SH3GL3: variants seen among roughly 807,000 people sequenced by gnomAD.
SH3GL3 encodes SH3 domain containing GRB2 like 3, endophilin A3.
SH3GL3 carries 33 observed loss-of-function variants against 47.7 expected under a neutral mutation model. The ratio of observed to expected loss-of-function variants is 0.69; its 90% CI spans 0.52 to 0.92. The LOEUF is 0.92. Among genes scored for constraint, SH3GL3 ranks in the 40% least tolerant of loss-of-function variants. The pLI is 0.00. For missense variants in SH3GL3, 363 were observed against 417.8 expected, an observed-to-expected ratio of 0.87 and a Z score of 1.14; for synonymous variants, 155 against 148.8, an observed-to-expected ratio of 1.04 and a Z score of -0.30.
At position 83,618,062 on chromosome 15, in the gene SH3GL3, TC is replaced by T. The variant is rs778805495; in HGVS notation, c.839-19del. 1 of 1,521,256 alleles carries T rather than the reference TC, an allele frequency of 6.6e-7. No individual in the cohort carries two copies. The highest frequency in any genetic ancestry group is 9.1e-7 in the Non-Finnish European group (1 of 1,095,330). The allele number at this position is 1,521,256 out of a possible 1,614,324, so 94.2% of individuals were successfully genotyped here. A position where few individuals can be genotyped will look rare whatever the true frequency, so the allele number is the denominator to read the frequency against. On this transcript the variant is annotated intron_variant, in intron 8 of 8. Coordinates refer to ENST00000427482, the MANE Select transcript of SH3GL3 (RefSeq NM_003027.5). The stretch of plus-strand genomic sequence containing the variant: ...CCATCATGTTCATCTGTACTTTTTG[TC>T]TCCATATCATGTGGACAGGTTCTAA...
intron 2 of SH3GL3, among the ~76,000 whole-genome samples, chr15:83,562,594 T>G (rs967021176): frequency 6.6e-6 from 1 of 152,230 alleles, no homozygotes; most frequent in Non-Finnish European, 1.5e-5. Flanking sequence ...TGCTATATGA[T>G]GAAAATCATT....
intron 1 of SH3GL3, among the ~76,000 whole-genome samples, chr15:83,551,363 A>G (rs1296461057): frequency 1.3e-5 from 2 of 152,130 alleles, no homozygotes; most frequent in Non-Finnish European, 2.9e-5. Flanking sequence ...TTGATTTGCA[A>G]CTTCTGTCTA....
chr15:83,566,346 C>CAG (rs147698292), intron 3 of SH3GL3, among the ~76,000 whole-genome samples: 5,458 of 134,060 alleles, frequency 0.041, 129 homozygotes, highest in African/African-American at 0.052. Flanking sequence ...GAAAGATGGG[C>CAG]AGAGAGAGAG....
chr15:83,518,669 T>C (rs1471457020), intron 1 of SH3GL3, among the ~76,000 whole-genome samples: 3 of 152,236 alleles, frequency 2.0e-5, no homozygotes, highest in Non-Finnish European at 2.9e-5. Context: ...TTTGCAAATA[T>C]TTTCTCCCAT....
intron 1 of SH3GL3, among the ~76,000 whole-genome samples, chr15:83,553,427 T>C (rs1596244678): frequency 2.0e-5 from 3 of 152,316 alleles, no homozygotes; most frequent in East Asian, 1.9e-4. Context: ...ATATAGATGA[T>C]CATTACTGAT....
chr15:83,525,346 T>TTGTG (rs776105824), intron 1 of SH3GL3, among the ~76,000 whole-genome samples: 5 of 74,018 alleles, frequency 6.8e-5, no homozygotes, highest in South Asian at 1.3e-3. Context: ...ATGAGATTCT[T>TTGTG]TGTGCGTGTG....
chr15:83,499,067 C>T (rs550409168), intron 1 of SH3GL3, among the ~76,000 whole-genome samples: 2 of 151,898 alleles, frequency 1.3e-5, no homozygotes, highest in African/African-American at 2.4e-5. Context: ...AATTTTTACC[C>T]GTTTCCTTCC....
Position 83,568,515 on chromosome 15 carries a change from A to G in SH3GL3, c.188-14A>G, listed in dbSNP as rs375925527. On this transcript the variant is annotated splice_polypyrimidine_tract_variant and intron_variant, in intron 3 of 8. Coordinates refer to ENST00000427482, the MANE Select transcript of SH3GL3 (RefSeq NM_003027.5). ...TTGTAACTTTAAAGAATTACAAATG[A>G]CAATGTTTTTAAGCATACAGAGCTA... The G allele has an allele frequency of 1.2e-6, 2 of 1,608,304 alleles. No individual in the cohort carries two copies. The highest frequency in any genetic ancestry group is 1.3e-5 in the African/African-American group (1 of 74,932).
Position 83,541,992 on chromosome 15 carries a change from T to C in SH3GL3, c.46-17261T>C, listed in dbSNP as rs558349664. ...ACTTGATATGATCCCATCTGTCCAT[T>C]TTTGCTTTGGTTGCCTGTGCTTTTA... On this transcript the variant is annotated intron_variant, in intron 1 of 8. Coordinates refer to ENST00000427482, the MANE Select transcript of SH3GL3 (RefSeq NM_003027.5). Among the ~76,000 whole-genome samples, 4 of 152,328 alleles carry C rather than the reference T, an allele frequency of 2.6e-5. No individual in the cohort carries two copies. The South Asian group carries it at 8.3e-4, about 32-fold the overall frequency.
chr15:83,492,624 C>T (rs933113913), intron 1 of SH3GL3, among the ~76,000 whole-genome samples: 1 of 152,138 alleles, frequency 6.6e-6, no homozygotes, highest in Admixed American at 6.5e-5. Context: ...AGCAGAGTGC[C>T]CGAGAATTAA....
intron 5 of SH3GL3, among the ~76,000 whole-genome samples, chr15:83,573,282 G>C (rs1327484528): frequency 6.6e-6 from 1 of 152,180 alleles, no homozygotes; most frequent in Non-Finnish European, 1.5e-5. Context: ...CCGTCTTATG[G>C]ATATGTACAG....
downstream of SH3GL3, among the ~76,000 whole-genome samples, chr15:83,622,999 G>T (rs903503311): frequency 6.6e-6 from 1 of 152,220 alleles, no homozygotes; most frequent in African/African-American, 2.4e-5. Flanking sequence ...CCTGCTGCCT[G>T]CATTGCTTCC....
intron 1 of SH3GL3, among the ~76,000 whole-genome samples, chr15:83,530,784 T>C (rs142049184): frequency 6.6e-6 from 1 of 152,314 alleles, no homozygotes; most frequent in East Asian, 1.9e-4. Context: ...TTAATCATCA[T>C]GATTCATCTT....
intron 5 of SH3GL3, among the ~76,000 whole-genome samples, chr15:83,574,603 G>A (rs546007604): frequency 3.3e-5 from 5 of 152,110 alleles, no homozygotes; most frequent in African/African-American, 9.7e-5. Context: ...CACAGCCAGG[G>A]CACCCTTTCT....
At chr15:83,620,888 T>G (rs2060913984), downstream of SH3GL3, among the ~76,000 whole-genome samples, 1 of 152,242 alleles carries the variant, frequency 6.6e-6, no homozygotes, top group South Asian at 2.1e-4. Flanking sequence ...TGTTGTTTAG[T>G]TTAGCCAGCT....
chr15:83,521,114 AG>A (rs1459232318), intron 1 of SH3GL3, among the ~76,000 whole-genome samples: 1 of 152,134 alleles, frequency 6.6e-6, no homozygotes, highest in African/African-American at 2.4e-5. Context: ...CAGTCTGAAA[AG>A]CAGTCTCCAT....
intron 6 of SH3GL3, among the ~76,000 whole-genome samples, chr15:83,585,439 A>AT (rs1221612368): frequency 6.6e-6 from 1 of 152,196 alleles, no homozygotes; most frequent in African/African-American, 2.4e-5. Flanking sequence ...AAATGCAAGC[A>AT]TTTTTTAAAG....
intron 8 of SH3GL3, among the ~76,000 whole-genome samples, chr15:83,599,484 A>G (rs914059618): frequency 6.6e-6 from 1 of 152,220 alleles, no homozygotes; most frequent in African/African-American, 2.4e-5. Context: ...CACTTAGAAT[A>G]ATAGTCTCCA....
At chr15:83,561,610 G>A (rs545667194) in intron 2 of SH3GL3, among the ~76,000 whole-genome samples, 5 of 152,132 alleles carry the variant, frequency 3.3e-5, no homozygotes, top group African/African-American at 1.2e-4. Context: ...ACAAAAGATC[G>A]AAACAATGAA....
Sources: allele counts gnomAD v4.1 joint callset (sites outside exome capture counted in the v4.1 genomes callset), GRCh38; gene constraint gnomAD v4.1.1; transcripts MANE v1.5; gene names NCBI Gene and HGNC (gene_info 2026-07-23, HGNC 2026-07-21).